NELL1: variants seen among roughly 807,000 people sequenced by gnomAD.
NELL1 encodes protein kinase C-binding protein NELL1.
Under a neutral mutation model 107.4 loss-of-function variants are expected in NELL1, and 76 were observed. That is an observed-to-expected ratio of 0.71 (90% CI 0.59 to 0.86). The LOEUF is 0.86. Ranked by LOEUF, NELL1 falls within the 40% of genes least tolerant of loss-of-function variation. NELL1 has a pLI of 0.00. For synonymous variants in NELL1, 353 were observed against 341.2 expected (o/e 1.03, Z -0.38); for missense variants, 1,024 against 1,005.5 (o/e 1.02, Z -0.25).
intron 15 of NELL1, among the ~76,000 whole-genome samples, chr11:21,494,539 A>G (rs1415313808): frequency 2.6e-5 from 4 of 151,886 alleles, no homozygotes; most frequent in Non-Finnish European, 4.4e-5. Context: ...ACATTTTACT[A>G]TTTTTTGAGC....
intron 12 of NELL1, among the ~76,000 whole-genome samples, chr11:21,002,763 G>A (rs540162480): frequency 1.3e-5 from 2 of 152,286 alleles, no homozygotes; most frequent in African/African-American, 2.4e-5. Flanking sequence ...GTGAGGCACA[G>A]TGTCCTTAAA....
intron 7 of NELL1, 54 bp from the exon 8 acceptor site, chr11:20,927,254 T>G: frequency 6.5e-7 from 1 of 1,543,866 alleles, no homozygotes; most frequent in African/African-American, 1.4e-5. Context: ...ATTAGCTTTG[T>G]TAGGATGATG....
chr11:21,169,229 A>G (rs1565093709), intron 13 of NELL1, among the ~76,000 whole-genome samples: 2 of 151,986 alleles, frequency 1.3e-5, no homozygotes, highest in South Asian at 4.1e-4. Context: ...GTATATGTTT[A>G]AGGATGGATG....
chr11:21,202,787 C>G (rs1261232629), intron 13 of NELL1, among the ~76,000 whole-genome samples: 1 of 152,192 alleles, frequency 6.6e-6, no homozygotes, highest in Non-Finnish European at 1.5e-5. Context: ...CCTCTAAACA[C>G]TGCTTTAGCT....
At chr11:21,087,107 G>A (rs1854413643) in intron 12 of NELL1, among the ~76,000 whole-genome samples, 1 of 152,170 alleles carries the variant, frequency 6.6e-6, no homozygotes, top group South Asian at 2.1e-4. Context: ...CCAAAGTGCT[G>A]GGATTACAGG....
At chr11:20,872,974 C>A (rs1477996592) in intron 4 of NELL1, among the ~76,000 whole-genome samples, 2 of 152,072 alleles carry the variant, frequency 1.3e-5, no homozygotes, top group African/African-American at 4.8e-5. Context: ...ATCAGAAGAC[C>A]TTCAATGTCC....
chr11:21,247,546 C>T (rs1464090366), intron 14 of NELL1, among the ~76,000 whole-genome samples: 1 of 152,104 alleles, frequency 6.6e-6, no homozygotes, highest in Non-Finnish European at 1.5e-5. Context: ...GTTAGAGGGT[C>T]TTCAGGGGCA....
chr11:21,001,728 C>G (rs35383034), intron 12 of NELL1, among the ~76,000 whole-genome samples: 1 of 151,542 alleles, frequency 6.6e-6, no homozygotes, highest in African/African-American at 2.4e-5. Flanking sequence ...GGGCAATCAA[C>G]GGGGAGCTCC....
chr11:20,720,448 C>G (rs12366005), intron 2 of NELL1, among the ~76,000 whole-genome samples: 1 of 152,048 alleles, frequency 6.6e-6, no homozygotes, highest in African/African-American at 2.4e-5. Flanking sequence ...ACCTTGTGAT[C>G]TGCCTGCCTC....
chr11:20,842,105 G>A (rs567918565), intron 3 of NELL1, among the ~76,000 whole-genome samples: 3 of 152,116 alleles, frequency 2.0e-5, no homozygotes, highest in Admixed American at 6.6e-5. Context: ...GGCTGGGTGC[G>A]GTGGCTCATG....
chr11:21,125,372 A>G (rs7129514), intron 13 of NELL1, among the ~76,000 whole-genome samples: 2,751 of 152,250 alleles, frequency 0.018, 88 homozygotes, highest in African/African-American at 0.062. Flanking sequence ...TTAAGGTTTA[A>G]CTAGCTCAAT....
At chr11:20,936,354 A>T (rs887555970) in intron 9 of NELL1, among the ~76,000 whole-genome samples, 8 of 152,152 alleles carry the variant, frequency 5.3e-5, no homozygotes, top group Non-Finnish European at 1.0e-4. Flanking sequence ...CAGTTGTAAG[A>T]ATGTATCCTT....
chr11:21,348,555 A>G (rs528104222), intron 14 of NELL1, among the ~76,000 whole-genome samples: 1 of 152,354 alleles, frequency 6.6e-6, no homozygotes, highest in African/African-American at 2.4e-5. Context: ...ATGTTTGGAT[A>G]AAAATAGCAC....
intron 14 of NELL1, among the ~76,000 whole-genome samples, chr11:21,346,922 G>A (rs1372687946): frequency 1.3e-5 from 2 of 152,068 alleles, no homozygotes; most frequent in Non-Finnish European, 2.9e-5. Context: ...TTATAACGTG[G>A]CATACAATAA....
chr11:20,670,976 C>A (rs1402007942), intron 1 of NELL1, among the ~76,000 whole-genome samples: 1 of 152,274 alleles, frequency 6.6e-6, no homozygotes, highest in African/African-American at 2.4e-5. Context: ...AGGCGCCCCT[C>A]TTTGGCAGTT....
chr11:21,107,132 C>A (rs1267914107), intron 12 of NELL1, among the ~76,000 whole-genome samples: 4 of 152,058 alleles, frequency 2.6e-5, no homozygotes, highest in Non-Finnish European at 5.9e-5. Flanking sequence ...ATTGATGGAC[C>A]TTCACTGACA....
In NELL1 at chr11:20,771,970, G is replaced by A. The variant is rs186899453; in HGVS notation, c.185-11710G>A. Among the ~76,000 whole-genome samples, 4 of 152,218 alleles carry A rather than the reference G, an allele frequency of 2.6e-5. No individual in the cohort carries two copies. The South Asian group carries it at 8.3e-4, about 32-fold the overall frequency. ...GGCAGATTTTTATTCTTGAAAAACA[G>A]CATTTGAAGTAACATGTAAAAATGA... On this transcript the variant is annotated intron_variant, in intron 2 of 19. Transcript: ENST00000357134.
intron 13 of NELL1, among the ~76,000 whole-genome samples, chr11:21,155,477 A>G (rs757495820): frequency 2.7e-4 from 41 of 152,212 alleles, no homozygotes; most frequent in Non-Finnish European, 5.0e-4. Flanking sequence ...AAGGAAAAGT[A>G]TGTAGCCAAG....
chr11:21,574,326 T>C (rs1170380831), intron 19 of NELL1, among the ~76,000 whole-genome samples: 2 of 151,602 alleles, frequency 1.3e-5, no homozygotes, highest in African/African-American at 4.8e-5. Flanking sequence ...AGACCTCATA[T>C]AGAAAAAGGT....
Sources: gnomAD v4.1 joint callset for allele counts (sites outside exome capture counted in the v4.1 genomes callset) on GRCh38, gnomAD v4.1.1 for gene constraint, MANE v1.5 for transcripts, NCBI Gene and HGNC (gene_info 2026-07-23, HGNC 2026-07-21) for gene names.